WDFY2: variants seen among roughly 807,000 people sequenced by gnomAD.
WDFY2 encodes the protein WD repeat and FYVE domain containing 2.
WDFY2 carries 36 observed loss-of-function variants against 56.4 expected under a neutral mutation model. That is an observed-to-expected ratio of 0.64 (90% confidence interval 0.49 to 0.84). WDFY2 has a LOEUF of 0.84. WDFY2 is among the 40% of genes least tolerant of loss of function. The probability of loss-of-function intolerance (pLI) is 0.00; values close to 1 mark genes in which losing one functional copy is unlikely to be tolerated. For missense variants in WDFY2, 444 were observed against 512.2 expected (o/e 0.87, Z 1.29); for synonymous variants, 176 against 183.7 (o/e 0.96, Z 0.34).
At chr13:51,594,547 A>C (rs183016151) in intron 1 of WDFY2, among the ~76,000 whole-genome samples, 3 of 150,584 alleles carry the variant, frequency 2.0e-5, no homozygotes, top group Non-Finnish European at 4.5e-5. Context: ...GTCTTAGGGA[A>C]TCTCTTTGCC....
intron 5 of WDFY2, among the ~76,000 whole-genome samples, chr13:51,721,129 T>C (rs1453499582): frequency 6.6e-6 from 1 of 152,158 alleles, no homozygotes. Context: ...TAAATACTTT[T>C]TTAGAATTCA....
chr13:51,663,883 T>A (rs1955657098), intron 2 of WDFY2, among the ~76,000 whole-genome samples: 1 of 152,198 alleles, frequency 6.6e-6, no homozygotes, highest in Admixed American at 6.5e-5. Context: ...ACATAATAAG[T>A]AGCATTCCAA....
chr13:51,692,446 G>T (rs1422016719), intron 3 of WDFY2, among the ~76,000 whole-genome samples: 2 of 152,210 alleles, frequency 1.3e-5, no homozygotes, highest in Non-Finnish European at 2.9e-5. Flanking sequence ...CATCTATTGA[G>T]ATAATCATGT....
intron 1 of WDFY2, among the ~76,000 whole-genome samples, chr13:51,601,715 C>T (rs966989068): frequency 1.3e-5 from 2 of 152,176 alleles, no homozygotes; most frequent in African/African-American, 4.8e-5. Flanking sequence ...GAAACTGATG[C>T]AGCTAGGAAG....
At chr13:51,717,416 G>A (rs1952380075) in intron 4 of WDFY2, among the ~76,000 whole-genome samples, 1 of 152,048 alleles carries the variant, frequency 6.6e-6, no homozygotes, top group African/African-American at 2.4e-5. Context: ...GTAGCTTTGA[G>A]CAAGCCACTT....
intron 1 of WDFY2, chr13:51,588,184 A>G (rs1266307806): frequency 6.6e-6 from 1 of 152,110 alleles, no homozygotes; most frequent in Non-Finnish European, 1.5e-5. Context: ...TTCTTTTTGG[A>G]CTGTCTTTTC....
At chr13:51,641,015 A>C (rs973828854) in intron 1 of WDFY2, among the ~76,000 whole-genome samples, 15 of 152,294 alleles carry the variant, frequency 9.8e-5, no homozygotes, top group African/African-American at 3.4e-4. Context: ...TGTTAGTGGA[A>C]GTTATTTTCT....
At position 51,693,300 on chromosome 13, in the gene WDFY2, G is replaced by A. The variant is rs1345694374; in HGVS notation, c.280-10296G>A. 2.6e-5 allele frequency among the ~76,000 whole-genome samples: 4 copies of A among 151,846 alleles called. No individual in the cohort carries two copies. The East Asian group carries it at 7.7e-4, about 29-fold the overall frequency. ...AGGGTGTCAATTTTGGATCTTTCCT[G>A]CTTTCTCTTGTGGGCATTTAGTGCT... On this transcript the variant is annotated intron_variant, in intron 3 of 11. Coordinates refer to ENST00000298125, the MANE Select transcript of WDFY2 (RefSeq NM_052950.4).
intron 3 of WDFY2, among the ~76,000 whole-genome samples, chr13:51,691,391 A>G (rs991362927): frequency 1.2e-4 from 18 of 150,056 alleles, no homozygotes; most frequent in East Asian, 1.9e-4. Flanking sequence ...TAAGGAAGGG[A>G]TCCAGTTTCA....
At chr13:51,733,300 G>A (rs998043997) in intron 6 of WDFY2, among the ~76,000 whole-genome samples, 1 of 152,220 alleles carries the variant, frequency 6.6e-6, no homozygotes. Flanking sequence ...GCCTCCCAAA[G>A]TGCTGGGATT....
intron 1 of WDFY2, among the ~76,000 whole-genome samples, chr13:51,613,163 A>C (rs1300781524): frequency 1.3e-5 from 2 of 151,954 alleles, no homozygotes; most frequent in African/African-American, 2.4e-5. Context: ...ATGCCTGTGC[A>C]TAGCCACTGC....
At position 51,668,037 on chromosome 13, in the gene WDFY2, G is replaced by A. The variant is rs191674730; in HGVS notation, c.206-7133G>A. On this transcript the variant is annotated intron_variant, in intron 2 of 11. Coordinates refer to ENST00000298125, the MANE Select transcript of WDFY2 (RefSeq NM_052950.4). ...CTCCCAAGTAGCTGGGACTACAGGC[G>A]TCCGCCACTGCGCCCGGCTAATTTT... 8.8e-3 allele frequency among the ~76,000 whole-genome samples: 1,333 copies of A among 151,644 alleles called. 18 individuals carry two copies. Among genetic ancestry groups the A allele is most frequent in the African/African-American group, 0.03 (1,249 of 41,334 alleles).
At chr13:51,732,832 AAAAC>A (rs1952753594) in intron 6 of WDFY2, among the ~76,000 whole-genome samples, 1 of 152,228 alleles carries the variant, frequency 6.6e-6, no homozygotes, top group East Asian at 1.9e-4. Flanking sequence ...GTGGGTGAAT[AAAAC>A]AAGCATAATC....
intron 3 of WDFY2, among the ~76,000 whole-genome samples, chr13:51,689,467 A>AGCT (rs1956113765): frequency 6.6e-6 from 1 of 152,176 alleles, no homozygotes. Context: ...AGAGGCAAGC[A>AGCT]GCTGCTGTGG....
At chr13:51,639,374 C>T (rs1324541430) in intron 1 of WDFY2, among the ~76,000 whole-genome samples, 1 of 152,154 alleles carries the variant, frequency 6.6e-6, no homozygotes, top group Non-Finnish European at 1.5e-5. Context: ...TATCTGTATA[C>T]TGTGGTTTTC....
intron 6 of WDFY2, among the ~76,000 whole-genome samples, chr13:51,736,336 TA>T (rs1047783338): frequency 9.9e-5 from 15 of 152,218 alleles, no homozygotes; most frequent in African/African-American, 3.6e-4. Context: ...CTATACCTAA[TA>T]AAGATAGGGC....
intron 6 of WDFY2, among the ~76,000 whole-genome samples, chr13:51,736,738 G>A (rs531793636): frequency 1.8e-4 from 28 of 152,270 alleles, no homozygotes; most frequent in Admixed American, 9.8e-4. Flanking sequence ...TGATCAGCCC[G>A]CCTTGGCCTC....
At chr13:51,611,484 G>A (rs1954502633) in intron 1 of WDFY2, among the ~76,000 whole-genome samples, 1 of 152,152 alleles carries the variant, frequency 6.6e-6, no homozygotes, top group East Asian at 1.9e-4. Flanking sequence ...TAATATATTG[G>A]ATCTATAAAG....
Position 51,758,210 on chromosome 13 carries a change from C to T in WDFY2, c.1083C>T (p.Thr361=). The T allele has an allele frequency of 6.3e-7, 1 of 1,580,478 alleles. No homozygotes were observed. Among genetic ancestry groups the T allele is most frequent in the Admixed American group, 1.7e-5 (1 of 59,754 alleles). ...ITDEERAPTA[T]FHDSKHNIVH... ...CTTCTAGACGTGCACCCACAGCCAC[C>T]TTCCATGACAGTAAACATAACATTG... is the stretch of plus-strand genomic sequence containing the variant. Residue 361 remains threonine, a synonymous_variant, in exon 11 of 12, where the codon ACC becomes ACT. Coordinates refer to ENST00000298125, the MANE Select transcript of WDFY2 (RefSeq NM_052950.4).
Sources: gnomAD v4.1 joint callset for allele counts (sites outside exome capture counted in the v4.1 genomes callset) on GRCh38, gnomAD v4.1.1 for gene constraint, MANE v1.5 for transcripts, NCBI Gene and HGNC (gene_info 2026-07-23, HGNC 2026-07-21) for gene names.